The following CDH23 variants were observed in gnomAD, a reference collection of about 807,000 sequenced individuals.
CDH23 encodes cadherin-23.
A neutral mutation model predicts 317.1 loss-of-function variants in CDH23; 189 were observed. That is an observed-to-expected ratio of 0.60 (90% CI 0.53 to 0.67). The LOEUF (loss-of-function observed/expected upper bound fraction) is 0.67, where lower values mean the gene tolerates loss of function less well. Among genes scored for constraint, CDH23 ranks in the 30% least tolerant of loss-of-function variants. The pLI is 0.00. For synonymous variants in CDH23, 1,839 were observed against 1,876.8 expected, an observed-to-expected ratio of 0.98 and a Z score of 0.52; for missense variants, 4,401 against 4,592.4, an observed-to-expected ratio of 0.96 and a Z score of 1.20.
Position 71,788,945 on chromosome 10 carries a change from T to G in CDH23, c.5826T>G (p.Tyr1942Ter), listed in dbSNP as rs1346156899. The G allele has an allele frequency of 1.3e-6, 2 of 1,562,388 alleles. No individual in the cohort carries two copies. The highest frequency in any genetic ancestry group is 1.8e-6 in the Non-Finnish European group (2 of 1,132,936). Residue 1942 changes from tyrosine to a stop codon, truncating the protein, a stop_gained, in exon 45 of 70, where the codon TAT becomes TAG. Transcript: ENST00000224721. LOFTEE classifies it high-confidence loss of function. ...PENPRIARRD[Y>*]DLLLIFLSDE... ...CCCCATTCTGCCCCTTGCAGGATTATGACTTGCTTCTGATCTTCCTTTCTG... is the reference window on the plus strand; with the variant it reads ...CCCCATTCTGCCCCTTGCAGGATTAGGACTTGCTTCTGATCTTCCTTTCTG...
In CDH23 at chr10:71,798,379, C is replaced by A; in HGVS notation, c.6855C>A (p.Asp2285Glu). 1 of 1,613,830 alleles carries A rather than the reference C, an allele frequency of 6.2e-7. No homozygotes were observed. Among genetic ancestry groups the A allele is most frequent in the Non-Finnish European group, 8.5e-7 (1 of 1,179,732 alleles). The change falls in exon 50 of 70, where the codon GAC becomes GAA. Residue 2285 changes from aspartate (D) to glutamate (E), a missense_variant. This residue lies in a region of CDH23 where 3,068 missense variants were observed against 3,203.3 expected (regional missense o/e 0.96). Coordinates refer to ENST00000224721, the MANE Select transcript of CDH23 (RefSeq NM_022124.6). ...PNAKLTVNVL[D>E]VNDNTPQFKP... Reference sequence around the variant, plus strand: ...CCAAGCTGACTGTCAACGTCCTGGACGTCAATGACAATACGCCCCAGTTCA... The same window carrying A: ...CCAAGCTGACTGTCAACGTCCTGGAAGTCAATGACAATACGCCCCAGTTCA...
chr10:71,480,633 C>G (rs1852018424), intron 3 of CDH23, among the ~76,000 whole-genome samples: 1 of 152,176 alleles, frequency 6.6e-6, no homozygotes, highest in Admixed American at 6.5e-5. Context: ...GGACCTGCTG[C>G]ACACATCAGG....
In CDH23 at chr10:71,746,605, T is replaced by C. The variant is rs115084197; in HGVS notation, c.4845+4684T>C. Among the ~76,000 whole-genome samples the C allele has an allele frequency of 4.5e-3, 688 of 152,214 alleles. 5 individuals are homozygous for C. The highest frequency in any genetic ancestry group is 0.016 in the African/African-American group (652 of 41,544). ...TTTAAGTGGTTGTCAGGGAGGCCCC[T>C]GCAAAGGAAGAGCTGGGCCCAGGGA... On this transcript the variant is annotated intron_variant, in intron 38 of 69. Coordinates refer to ENST00000224721, the MANE Select transcript of CDH23 (RefSeq NM_022124.6).
At chr10:71,669,345 C>A (rs1010656914) in intron 14 of CDH23, among the ~76,000 whole-genome samples, 4 of 152,238 alleles carry the variant, frequency 2.6e-5, no homozygotes, top group Non-Finnish European at 5.9e-5. Flanking sequence ...GCCTCAGTGA[C>A]CTTCAAGCCC....
At chr10:71,658,484 T>C (rs772043093) in intron 14 of CDH23, among the ~76,000 whole-genome samples, 4 of 152,242 alleles carry the variant, frequency 2.6e-5, no homozygotes, top group Non-Finnish European at 5.9e-5. Flanking sequence ...GTCCCGCCTT[T>C]GAAGCACTCC....
At chr10:71,666,077 G>C (rs1400444864) in intron 14 of CDH23, among the ~76,000 whole-genome samples, 1 of 152,148 alleles carries the variant, frequency 6.6e-6, no homozygotes, top group Non-Finnish European at 1.5e-5. Context: ...TGGAACAAAA[G>C]GGAGGGAAGG....
At chr10:71,600,495 G>T (rs1860143054) in intron 9 of CDH23, among the ~76,000 whole-genome samples, 1 of 150,146 alleles carries the variant, frequency 6.7e-6, no homozygotes, top group African/African-American at 2.4e-5. Flanking sequence ...GCATTTCCCA[G>T]ATTTGTTTGA....
At chr10:71,672,526 A>G (rs1864191530) in intron 14 of CDH23, among the ~76,000 whole-genome samples, 1 of 152,000 alleles carries the variant, frequency 6.6e-6, no homozygotes, top group South Asian at 2.1e-4. Context: ...CATATTTCAC[A>G]TGGTCATTAG....
intron 6 of CDH23, among the ~76,000 whole-genome samples, chr10:71,536,745 G>A (rs757185481): frequency 3.9e-5 from 6 of 152,118 alleles, no homozygotes; most frequent in Non-Finnish European, 5.9e-5. Context: ...GATGTGATGG[G>A]GAAAGGTCTT....
chr10:71,577,425 T>G (rs1023384118), intron 8 of CDH23, among the ~76,000 whole-genome samples: 3 of 152,088 alleles, frequency 2.0e-5, no homozygotes, highest in African/African-American at 7.2e-5. Context: ...GATTTATGCT[T>G]TCATCCCTAA....
At chr10:71,808,104 C>A in intron 60 of CDH23, 97 bp downstream of exon 60, 1 of 1,452,832 alleles carries the variant, frequency 6.9e-7, no homozygotes, top group Non-Finnish European at 9.3e-7. Context: ...GGGAGCACCA[C>A]AGGATATGGG....
intron 2 of CDH23, among the ~76,000 whole-genome samples, chr10:71,445,732 C>A (rs1850124891): frequency 6.6e-6 from 1 of 151,078 alleles, no homozygotes; most frequent in South Asian, 2.1e-4. Context: ...CCTGTGGTCC[C>A]AGCTAATTGG....
At chr10:71,526,573 C>T (rs748489358) in intron 6 of CDH23, among the ~76,000 whole-genome samples, 95 of 152,176 alleles carry the variant, frequency 6.2e-4, no homozygotes, top group Middle Eastern at 3.2e-3. Flanking sequence ...CTGCTTATGC[C>T]ACTCGTATGA....
chr10:71,632,219 C>A (rs1413562071), intron 11 of CDH23, among the ~76,000 whole-genome samples: 1 of 152,218 alleles, frequency 6.6e-6, no homozygotes, highest in Non-Finnish European at 1.5e-5. Context: ...GCATGAGCAG[C>A]AGCACTGGTG....
In CDH23 at chr10:71,566,949, G is replaced by A; in HGVS notation, c.624+13G>A. ...GGTCAACGCCACAGTGAGTCTCCAT[G>A]CTGGGGCCCCGGCCGTCCCAGCTGC... On this transcript the variant is annotated intron_variant, in intron 7 of 69. Transcript: ENST00000224721. The A allele has an allele frequency of 1.9e-6, 3 of 1,608,494 alleles. No homozygotes were observed. Among genetic ancestry groups the A allele is most frequent in the Non-Finnish European group, 2.5e-6 (3 of 1,178,888 alleles).
rs1865637901 is a variant in CDH23, at chr10:71,702,708, A to G, written c.2733+14A>G. 1 of 1,613,278 alleles carries G rather than the reference A, an allele frequency of 6.2e-7. No individual in the cohort carries two copies. Among genetic ancestry groups the G allele is most frequent in the Non-Finnish European group, 8.5e-7 (1 of 1,179,844 alleles). The stretch of plus-strand genomic sequence containing the variant: ...TCCATCTACCAAGTGAGTCTCTATC[A>G]TCTCATTCCTACCAGCCCAGAGGTG... On this transcript the variant is annotated intron_variant, in intron 24 of 69. Transcript: ENST00000224721.
At chr10:71,783,376 C>A (rs563541610) in intron 41 of CDH23, among the ~76,000 whole-genome samples, 1 of 152,360 alleles carries the variant, frequency 6.6e-6, no homozygotes, top group Admixed American at 6.5e-5. Context: ...CTGGAAAGAA[C>A]ACAAGTCCTG....
chr10:71,740,045 G>T (rs1282517713), intron 36 of CDH23, among the ~76,000 whole-genome samples: 2 of 152,230 alleles, frequency 1.3e-5, no homozygotes, highest in African/African-American at 4.8e-5. Context: ...ATGAGGGAGA[G>T]CCTGGTGGAG....
At chr10:71,681,846 C>G (rs72817930) in intron 17 of CDH23, among the ~76,000 whole-genome samples, 1 of 152,084 alleles carries the variant, frequency 6.6e-6, no homozygotes, top group African/African-American at 2.4e-5. Flanking sequence ...GGCTAGAGAC[C>G]GAGGAGGGTC....
Sources: allele counts gnomAD v4.1 joint callset (sites outside exome capture counted in the v4.1 genomes callset), GRCh38; gene constraint gnomAD v4.1.1; regional missense constraint gnomAD v4.1.1; transcripts MANE v1.5; gene names NCBI Gene and HGNC (gene_info 2026-07-23, HGNC 2026-07-21).